CACNA2D1: variants seen among roughly 807,000 people sequenced by gnomAD.
CACNA2D1 encodes voltage-dependent calcium channel subunit alpha-2/delta-1.
A neutral mutation model predicts 171.5 loss-of-function variants in CACNA2D1; 53 were observed. The ratio of observed to expected loss-of-function variants is 0.31; its 90% CI spans 0.25 to 0.39. The LOEUF (loss-of-function observed/expected upper bound fraction) is 0.39, where lower values mean the gene tolerates loss of function less well. Ranked by LOEUF, CACNA2D1 falls within the 10% of genes least tolerant of loss-of-function variation. The pLI, the probability that CACNA2D1 is intolerant of heterozygous loss-of-function variation, is 1.00. For synonymous variants in CACNA2D1, 442 were observed against 443.1 expected (o/e 1.00, Z 0.03); for missense variants, 903 against 1,299.8 (o/e 0.69, Z 4.69).
At chr7:82,062,186 A>G (rs1807016471) in intron 9 of CACNA2D1, among the ~76,000 whole-genome samples, 1 of 152,178 alleles carries the variant, frequency 6.6e-6, no homozygotes, top group Non-Finnish European at 1.5e-5. Flanking sequence ...GCCCACACCC[A>G]GGAATGAGCA....
chr7:82,292,094 A>C (rs577734082), intron 3 of CACNA2D1, among the ~76,000 whole-genome samples: 1 of 152,224 alleles, frequency 6.6e-6, no homozygotes, highest in South Asian at 2.1e-4. Context: ...TGCTGACATA[A>C]TTATGATAAT....
chr7:82,335,228 C>T lies in CACNA2D1; in HGVS notation c.201G>A (p.Leu67=). ...LVDIYEKYQD[L]YTVEPNNARQ... ...GTGCATTATTTGGTTCCACAGTATA[C>T]AAATCTTGATATTTCTCATAAATCT... The change falls in exon 3 of 39, where the codon TTG becomes TTA. Residue 67 remains leucine (L), a synonymous_variant. Coordinates refer to ENST00000356860, the MANE Select transcript of CACNA2D1 (RefSeq NM_000722.4). 4 of 1,605,030 alleles carry T rather than the reference C, an allele frequency of 2.5e-6. No homozygotes were observed. The highest frequency in any genetic ancestry group is 3.4e-6 in the Non-Finnish European group (4 of 1,172,556).
intron 3 of CACNA2D1, among the ~76,000 whole-genome samples, chr7:82,297,072 C>CAAA (rs57473351): frequency 0.016 from 1,123 of 72,158 alleles, 47 homozygotes; most frequent in African/African-American, 0.019. Context: ...CTGTGTCTAC[C>CAAA]AAAAAAAAAA....
chr7:82,001,917 AT>A (rs1562850592), intron 18 of CACNA2D1, among the ~76,000 whole-genome samples: 2 of 150,058 alleles, frequency 1.3e-5, no homozygotes, highest in Admixed American at 6.7e-5. Context: ...AAACTGTTAC[AT>A]TTTTAAGAAA....
chr7:82,111,108 C>G (rs1788320259), intron 6 of CACNA2D1, among the ~76,000 whole-genome samples: 1 of 151,330 alleles, frequency 6.6e-6, no homozygotes, highest in Non-Finnish European at 1.5e-5. Flanking sequence ...TTTTTCATTC[C>G]TATGATATAT....
chr7:82,186,773 T>A (rs1305991438), intron 3 of CACNA2D1, among the ~76,000 whole-genome samples: 1 of 152,184 alleles, frequency 6.6e-6, no homozygotes, highest in Non-Finnish European at 1.5e-5. Context: ...TGTATAGATC[T>A]ATAATATATG....
intron 4 of CACNA2D1, among the ~76,000 whole-genome samples, chr7:82,151,936 G>A (rs1027594071): frequency 1.3e-5 from 2 of 152,034 alleles, no homozygotes; most frequent in African/African-American, 4.8e-5. Context: ...AAAACTAGAA[G>A]GAGGTATTTT....
intron 21 of CACNA2D1, among the ~76,000 whole-genome samples, chr7:81,987,299 T>A (rs1274043983): frequency 6.6e-6 from 1 of 152,154 alleles, no homozygotes; most frequent in Non-Finnish European, 1.5e-5. Flanking sequence ...GCTGTCTCTG[T>A]CCATATAAAA....
At chr7:82,279,839 C>T (rs1232080083) in intron 3 of CACNA2D1, among the ~76,000 whole-genome samples, 1 of 151,898 alleles carries the variant, frequency 6.6e-6, no homozygotes, top group East Asian at 1.9e-4. Context: ...TTTTTTTAAC[C>T]TAAAATGTAA....
chr7:82,248,991 T>TGC (rs1563257284), intron 3 of CACNA2D1, among the ~76,000 whole-genome samples: 2 of 151,706 alleles, frequency 1.3e-5, no homozygotes, highest in Non-Finnish European at 2.9e-5. Context: ...GTGGCAGGCA[T>TGC]CTGTAGTCCC....
intron 1 of CACNA2D1, among the ~76,000 whole-genome samples, chr7:82,443,095 G>A (rs1307285752): frequency 6.6e-6 from 1 of 152,204 alleles, no homozygotes; most frequent in East Asian, 1.9e-4. Context: ...GACGGGCTGA[G>A]ACGCCGCGAG....
At chr7:82,086,930 T>C (rs1810547740) in intron 6 of CACNA2D1, among the ~76,000 whole-genome samples, 1 of 152,154 alleles carries the variant, frequency 6.6e-6, no homozygotes, top group Admixed American at 6.5e-5. Context: ...ATTCCTATTA[T>C]CCTGGCAATA....
At chr7:81,970,281 A>G (rs1315392646) in intron 27 of CACNA2D1, among the ~76,000 whole-genome samples, 1 of 151,436 alleles carries the variant, frequency 6.6e-6, no homozygotes, top group Non-Finnish European at 1.5e-5. Flanking sequence ...TACTCAGCCT[A>G]CTTCATGGAC....
At position 82,439,783 on chromosome 7, in the gene CACNA2D1, G is replaced by A. The variant is rs576225433; in HGVS notation, c.95+3582C>T. Among the ~76,000 whole-genome samples the A allele has an allele frequency of 2.1e-4, 32 of 151,606 alleles. No homozygotes were observed. The South Asian group carries it at 6.6e-3, about 31-fold the overall frequency. The stretch of plus-strand genomic sequence containing the variant: ...TCTGTGGAATAGTAAATGTTATATG[G>A]TTAAGCCGATGAGAACAAAATTAAA... On this transcript the variant is annotated intron_variant, in intron 1 of 38. Coordinates refer to ENST00000356860, the MANE Select transcript of CACNA2D1 (RefSeq NM_000722.4).
chr7:81,972,055 G>T (rs1232976657), intron 25 of CACNA2D1, among the ~76,000 whole-genome samples, 191 bp from the exon 26 acceptor site: 1 of 151,410 alleles, frequency 6.6e-6, no homozygotes, highest in Non-Finnish European at 1.5e-5. Flanking sequence ...GAAATGAATG[G>T]ATTTAGTAGT....
At chr7:82,132,798 A>G (rs1010936494) in intron 5 of CACNA2D1, among the ~76,000 whole-genome samples, 6 of 152,232 alleles carry the variant, frequency 3.9e-5, no homozygotes, top group African/African-American at 7.2e-5. Flanking sequence ...CTGATATACT[A>G]ATCAATACAA....
At chr7:81,959,926 T>C in intron 36 of CACNA2D1, 97 bp from the exon 37 acceptor site, 1 of 1,510,336 alleles carries the variant, frequency 6.6e-7, no homozygotes, top group Non-Finnish European at 8.9e-7. Context: ...AAAGACAAAA[T>C]ATGACATCTG....
intron 20 of CACNA2D1, among the ~76,000 whole-genome samples, chr7:81,994,358 C>G (rs1797836621): frequency 6.6e-6 from 1 of 151,798 alleles, no homozygotes; most frequent in South Asian, 2.1e-4. Flanking sequence ...GATCTAAGTG[C>G]TGGGAAATTT....
chr7:81,963,608 T>G (rs908509911), intron 34 of CACNA2D1, among the ~76,000 whole-genome samples: 1 of 151,936 alleles, frequency 6.6e-6, no homozygotes, highest in African/African-American at 2.4e-5. Context: ...CCTAAAACAA[T>G]ACTAGTCCTT....
Sources: allele counts gnomAD v4.1 joint callset (sites outside exome capture counted in the v4.1 genomes callset), GRCh38; gene constraint gnomAD v4.1.1; transcripts MANE v1.5; gene names NCBI Gene and HGNC (gene_info 2026-07-23, HGNC 2026-07-21).